TP63: variants seen among roughly 807,000 people sequenced by gnomAD.
The protein encoded by TP63 is tumor protein p63.
TP63 carries 17 observed loss-of-function variants against 82.8 expected under a neutral mutation model. The observed-to-expected ratio is 0.21, with a 90% CI of 0.14 to 0.31. The LOEUF is 0.31. TP63 is among the 10% of genes least tolerant of loss of function. The pLI, the probability that TP63 is intolerant of heterozygous loss-of-function variation, is 1.00. For missense variants in TP63, 648 were observed against 895.3 expected (o/e 0.72, Z 3.52); for synonymous variants, 330 against 321.7 (o/e 1.03, Z -0.28).
chr3:189,889,598 T>C, intron 12 of TP63, 114 bp downstream of exon 12: 1 of 1,442,156 alleles, frequency 6.9e-7, no homozygotes, highest in East Asian at 2.3e-5. Context: ...AGTCCTGTGG[T>C]TGGAGTTCAG....
At chr3:189,643,111 C>T (rs886238323) in intron 1 of TP63, among the ~76,000 whole-genome samples, 2 of 152,118 alleles carry the variant, frequency 1.3e-5, no homozygotes, top group East Asian at 1.9e-4. Flanking sequence ...AGGCAATTCT[C>T]CTGCCTCAGC....
Position 189,870,131 on chromosome 3 carries a change from G to A in TP63, c.1212+725G>A, listed in dbSNP as rs145127399. On this transcript the variant is annotated intron_variant, in intron 9 of 13. Transcript: ENST00000264731. ...CAGCATGGCCATAGAAATTTAGGCC[G>A]AAAATGTTGTCAGAAAAAGTTCACA... 4.4e-3 allele frequency among the ~76,000 whole-genome samples: 670 copies of A among 152,136 alleles called. 7 individuals carry two copies. The highest frequency in any genetic ancestry group is 0.015 in the African/African-American group (637 of 41,522).
intron 1 of TP63, among the ~76,000 whole-genome samples, chr3:189,638,400 G>GTACAAGT (rs1470665726): frequency 5.3e-5 from 8 of 152,084 alleles, no homozygotes; most frequent in African/African-American, 1.2e-4. Context: ...AAGGTACAAG[G>GTACAAGT]TGGGGCTGAA....
At chr3:189,640,966 C>T (rs1018113010) in intron 1 of TP63, among the ~76,000 whole-genome samples, 11 of 152,066 alleles carry the variant, frequency 7.2e-5, no homozygotes, top group African/African-American at 1.9e-4. Context: ...AAAACATATG[C>T]CTTTTGGATT....
chr3:189,808,336 C>G lies in TP63; in HGVS notation c.389C>G (p.Ser130Cys), dbSNP rs1278311377. The change falls in exon 4 of 14, where the codon TCC (serine) becomes TGC (cysteine). Residue 130 changes from serine to cysteine, a missense_variant. Transcript: ENST00000264731. ...MDQQIQNGSS[S>C]TSPYNTDHAQ... ...CAGCAGATTCAGAACGGCTCCTCGTCCACCAGTCCCTATAACACAGACCAC... is the reference window on the plus strand; with the variant it reads ...CAGCAGATTCAGAACGGCTCCTCGTGCACCAGTCCCTATAACACAGACCAC... 1 of 1,614,228 alleles carries G rather than the reference C, an allele frequency of 6.2e-7. No homozygotes were observed. Among genetic ancestry groups the G allele is most frequent in the Non-Finnish European group, 8.5e-7 (1 of 1,180,042 alleles).
the TP63 span, among the ~76,000 whole-genome samples, chr3:189,608,929 C>T: frequency 1.4e-5 from 2 of 138,898 alleles, no homozygotes; most frequent in Admixed American, 1.4e-4. Context: ...TTTGGAGCAC[C>T]ACGTACAAAT....
chr3:189,686,331 G>C (rs1428782049), intron 1 of TP63, among the ~76,000 whole-genome samples: 1 of 152,180 alleles, frequency 6.6e-6, no homozygotes, highest in East Asian at 1.9e-4. Context: ...ATAGAAGACA[G>C]TGAGTGAGTA....
At chr3:189,845,306 A>C (rs959907206) in intron 4 of TP63, among the ~76,000 whole-genome samples, 8 of 152,232 alleles carry the variant, frequency 5.3e-5, no homozygotes, top group African/African-American at 1.9e-4. Flanking sequence ...CTTTTAGATA[A>C]CAGTGAAGTC....
intron 1 of TP63, chr3:189,645,351 A>G: frequency 1.9e-6 from 1 of 532,680 alleles, no homozygotes; most frequent in Non-Finnish European, 3.6e-6. Flanking sequence ...AAGTCTAGTA[A>G]GCAGAACTGT....
chr3:189,682,760 T>C (rs867297311), intron 1 of TP63, among the ~76,000 whole-genome samples: 4 of 152,000 alleles, frequency 2.6e-5, no homozygotes, highest in Admixed American at 6.6e-5. Context: ...CTCTGTGATC[T>C]AATGGCCTTT....
intron 1 of TP63, among the ~76,000 whole-genome samples, chr3:189,673,089 C>T (rs111419818): frequency 1.4e-4 from 20 of 145,466 alleles, no homozygotes; most frequent in African/African-American, 5.4e-4. Flanking sequence ...GATCCACCCT[C>T]CTCAGCCTCC....
chr3:189,880,258 T>C, intron 10 of TP63: 1 of 1,494,034 alleles, frequency 6.7e-7, no homozygotes, highest in Admixed American at 2.0e-5. Context: ...TGTGTGTGCG[T>C]GTGTATCTAG....
intron 1 of TP63, among the ~76,000 whole-genome samples, chr3:189,699,355 A>G (rs73892309): frequency 0.014 from 2,060 of 152,318 alleles, 49 homozygotes; most frequent in African/African-American, 0.047. Flanking sequence ...TCCACATTCT[A>G]CAAGCTAGCA....
At chr3:189,893,476 T>C (rs1252967877) in intron 13 of TP63, among the ~76,000 whole-genome samples, 1 of 152,226 alleles carries the variant, frequency 6.6e-6, no homozygotes, top group Non-Finnish European at 1.5e-5. Context: ...GTAAGTGATA[T>C]CACCACAGTC....
intron 3 of TP63, among the ~76,000 whole-genome samples, chr3:189,776,220 AT>A (rs1469403138): frequency 6.6e-6 from 1 of 152,240 alleles, no homozygotes; most frequent in Non-Finnish European, 1.5e-5. Flanking sequence ...TTGATGTAAT[AT>A]TCTTTAGTTT....
At chr3:189,614,220 C>T in the TP63 span, among the ~76,000 whole-genome samples, 1 of 151,938 alleles carries the variant, frequency 6.6e-6, no homozygotes, top group Non-Finnish European at 1.5e-5. Context: ...GTTATTGAAT[C>T]ATGGGGACCA....
intron 4 of TP63, among the ~76,000 whole-genome samples, chr3:189,826,710 C>T (rs1285082559): frequency 6.6e-6 from 1 of 152,134 alleles, no homozygotes; most frequent in Non-Finnish European, 1.5e-5. Flanking sequence ...ACTGGTGTAA[C>T]TAAGAGGACG....
At chr3:189,843,915 A>G (rs1321253797) in intron 4 of TP63, among the ~76,000 whole-genome samples, 1 of 152,200 alleles carries the variant, frequency 6.6e-6, no homozygotes, top group Non-Finnish European at 1.5e-5. Flanking sequence ...GTTTAGAAAT[A>G]GAATGACAAA....
chr3:189,794,610 G>A (rs939776109), intron 3 of TP63, among the ~76,000 whole-genome samples: 5 of 151,942 alleles, frequency 3.3e-5, no homozygotes, highest in South Asian at 2.1e-4. Context: ...ATTATGAGAC[G>A]ATCAGGAAAT....
Sources: gnomAD v4.1 joint callset for allele counts (sites outside exome capture counted in the v4.1 genomes callset) on GRCh38, gnomAD v4.1.1 for gene constraint, MANE v1.5 for transcripts, NCBI Gene and HGNC (gene_info 2026-07-23, HGNC 2026-07-21) for gene names.